Variants in UBR3 observed in about 807,000 individuals in gnomAD.
The protein encoded by UBR3 is ubiquitin protein ligase E3 component n-recognin 3, also known as E3 ubiquitin-protein ligase UBR3.
Under a neutral mutation model 243.2 loss-of-function variants are expected in UBR3, and 85 were observed. The ratio of observed to expected loss-of-function variants is 0.35; its 90% CI spans 0.29 to 0.42. UBR3 has a LOEUF of 0.42. Among genes scored for constraint, UBR3 ranks in the 10% least tolerant of loss-of-function variants. The pLI, the probability that UBR3 is intolerant of heterozygous loss-of-function variation, is 1.00. For missense variants in UBR3, 1,686 were observed against 2,300.8 expected, an observed-to-expected ratio of 0.73 and a Z score of 5.47; for synonymous variants, 748 against 799.8, an observed-to-expected ratio of 0.94 and a Z score of 1.09.
intron 27 of UBR3, among the ~76,000 whole-genome samples, chr2:170,001,869 C>CA (rs1158469974): frequency 7.7e-6 from 1 of 130,384 alleles, no homozygotes; most frequent in Non-Finnish European, 1.5e-5. Context: ...GCTGAGGTTG[C>CA]ACCACTGCAC....
intron 33 of UBR3, among the ~76,000 whole-genome samples, chr2:170,056,194 G>A (rs1369637306): frequency 1.3e-5 from 2 of 151,764 alleles, no homozygotes; most frequent in East Asian, 3.9e-4. Context: ...TTTTAGTAGA[G>A]ACAGGGTTTC....
chr2:169,852,456 T>A (rs1186284203), intron 1 of UBR3, among the ~76,000 whole-genome samples: 1 of 152,222 alleles, frequency 6.6e-6, no homozygotes, highest in Non-Finnish European at 1.5e-5. Context: ...TATTTACTTA[T>A]TGCCTATGGC....
At chr2:169,948,841 C>T (rs1338464239) in intron 22 of UBR3, among the ~76,000 whole-genome samples, 1 of 151,608 alleles carries the variant, frequency 6.6e-6, no homozygotes, top group African/African-American at 2.4e-5. Context: ...TCTGAGAGCC[C>T]TGGTGCAGTT....
At chr2:169,910,979 CTG>C (rs2085231452) in intron 10 of UBR3, among the ~76,000 whole-genome samples, 1 of 152,092 alleles carries the variant, frequency 6.6e-6, no homozygotes, top group Non-Finnish European at 1.5e-5. Context: ...TGTTATTTCT[CTG>C]TTTAAATTTT....
chr2:169,952,087 C>G (rs1368970411), intron 23 of UBR3, among the ~76,000 whole-genome samples: 2 of 152,074 alleles, frequency 1.3e-5, no homozygotes, highest in Non-Finnish European at 2.9e-5. Flanking sequence ...ATTTGAGCAG[C>G]TAGGTAGTAG....
intron 8 of UBR3, among the ~76,000 whole-genome samples, chr2:169,899,364 C>T (rs2084722790): frequency 6.6e-6 from 1 of 152,120 alleles, no homozygotes; most frequent in Non-Finnish European, 1.5e-5. Flanking sequence ...CTATTCTTTC[C>T]TAGAGATTTA....
chr2:169,915,014 T>G (rs913772032), intron 11 of UBR3, among the ~76,000 whole-genome samples: 1 of 152,176 alleles, frequency 6.6e-6, no homozygotes, highest in African/African-American at 2.4e-5. Flanking sequence ...TGCATTTCAG[T>G]GTTTCCTACA....
At chr2:169,910,488 C>T (rs113324228) in intron 10 of UBR3, among the ~76,000 whole-genome samples, 40 of 151,932 alleles carry the variant, frequency 2.6e-4, no homozygotes, top group Non-Finnish European at 3.7e-4. Flanking sequence ...TCATTATTTC[C>T]GGGCAGTAGT....
intron 35 of UBR3, among the ~76,000 whole-genome samples, chr2:170,067,386 T>C (rs1286480295): frequency 2.0e-5 from 3 of 152,164 alleles, no homozygotes; most frequent in Admixed American, 6.5e-5. Context: ...AATGACAGAA[T>C]TGAAGGAAGA....
At position 170,083,316 on chromosome 2, in the gene UBR3, C is replaced by T. The variant is rs562636250; in HGVS notation, c.*1473C>T. 1 of 152,564 alleles carries T rather than the reference C, an allele frequency of 6.6e-6. No individual in the cohort carries two copies. Among genetic ancestry groups the T allele is most frequent in the African/African-American group, 2.4e-5 (1 of 41,546 alleles). 9.5% of individuals were successfully genotyped at this position (152,564 alleles called of 1,614,324 possible). A position where few individuals can be genotyped will look rare whatever the true frequency, so the allele number is the denominator to read the frequency against. On this transcript the variant is annotated 3_prime_UTR_variant, in exon 39 of 39. Transcript: ENST00000272793. The stretch of plus-strand genomic sequence containing the variant: ...ACATATTCAAATGTATTCAGAAAGT[C>T]AAAAGATTACCTATCGTTCTACAAT...
At chr2:169,975,125 A>G (rs1035272168) in intron 24 of UBR3, among the ~76,000 whole-genome samples, 1 of 152,138 alleles carries the variant, frequency 6.6e-6, no homozygotes, top group Non-Finnish European at 1.5e-5. Flanking sequence ...AGCAGAGATC[A>G]TGCCACTGTA....
chr2:170,025,730 A>G (rs559433071), intron 30 of UBR3, among the ~76,000 whole-genome samples: 4 of 152,246 alleles, frequency 2.6e-5, no homozygotes, highest in African/African-American at 9.6e-5. Flanking sequence ...AATAGGATGG[A>G]TCATAAGAGG....
intron 5 of UBR3, among the ~76,000 whole-genome samples, chr2:169,890,565 G>GTATATATATATGTGTATATATATA (rs1159868093): frequency 1.4e-5 from 1 of 71,196 alleles, no homozygotes; most frequent in Non-Finnish European, 2.6e-5. Flanking sequence ...ATATATATAT[G>GTATATATATATGTGTATATATATA]TGTATATATA....
chr2:169,992,769 T>G (rs541871455), intron 25 of UBR3, among the ~76,000 whole-genome samples: 1 of 152,292 alleles, frequency 6.6e-6, no homozygotes, highest in South Asian at 2.1e-4. Context: ...AAATTTCTTA[T>G]ATATATTTTG....
chr2:169,917,238 A>G (rs1328851991), intron 11 of UBR3, among the ~76,000 whole-genome samples: 1 of 152,128 alleles, frequency 6.6e-6, no homozygotes, highest in Non-Finnish European at 1.5e-5. Flanking sequence ...TGTTTATGCA[A>G]ATGGTAATGA....
chr2:169,866,182 C>CAAAAAAAAAAAAAA (rs1553497954), intron 1 of UBR3, among the ~76,000 whole-genome samples: 2 of 79,468 alleles, frequency 2.5e-5, no homozygotes, highest in African/African-American at 1.2e-4. Context: ...AAAAAAAAAG[C>CAAAAAAAAAAAAAA]TTTTATGGGA....
At chr2:169,831,727 A>C (rs890982272) in intron 1 of UBR3, among the ~76,000 whole-genome samples, 2 of 152,180 alleles carry the variant, frequency 1.3e-5, no homozygotes, top group African/African-American at 2.4e-5. Flanking sequence ...TTAGAACTGG[A>C]AATCATCAAC....
At chr2:169,949,331 T>C (rs752040358) in intron 22 of UBR3, among the ~76,000 whole-genome samples, 1 of 152,098 alleles carries the variant, frequency 6.6e-6, no homozygotes, top group Non-Finnish European at 1.5e-5. Flanking sequence ...TTAATATGGC[T>C]GTAGATACTA....
Position 170,056,298 on chromosome 2 carries a change from G to A in UBR3, c.4785+714G>A, listed in dbSNP as rs534039078. Among the ~76,000 whole-genome samples the A allele has an allele frequency of 8.4e-4, 128 of 152,122 alleles. 1 individual carries two copies. Among genetic ancestry groups the A allele is most frequent in the Non-Finnish European group, 1.5e-3 (101 of 67,960 alleles). Reference sequence around the variant, plus strand: ...TGGGATTACAGGCATGAGCCACCGCGCCCGGCCAGTCCTAGCCTTTTCTTA... The same window carrying A: ...TGGGATTACAGGCATGAGCCACCGCACCCGGCCAGTCCTAGCCTTTTCTTA... On this transcript the variant is annotated intron_variant, in intron 33 of 38. Coordinates refer to ENST00000272793, the MANE Select transcript of UBR3 (RefSeq NM_172070.4).
Sources: allele counts gnomAD v4.1 joint callset (sites outside exome capture counted in the v4.1 genomes callset), GRCh38; gene constraint gnomAD v4.1.1; transcripts MANE v1.5; gene names NCBI Gene and HGNC (gene_info 2026-07-23, HGNC 2026-07-21).